KCNG3: variants seen among roughly 807,000 people sequenced by gnomAD.
KCNG3 encodes the protein potassium voltage-gated channel modifier subfamily G member 3.
In KCNG3, 15 loss-of-function variants were observed where a neutral mutation model predicts 29.0. The ratio of observed to expected loss-of-function variants is 0.52; its 90% CI spans 0.35 to 0.80. The LOEUF is 0.80. Ranked by LOEUF, KCNG3 falls within the 30% of genes least tolerant of loss-of-function variation. The probability of loss-of-function intolerance (pLI) is 0.01; values close to 1 mark genes in which losing one functional copy is unlikely to be tolerated. For synonymous variants in KCNG3, 322 were observed against 248.9 expected (o/e 1.29, Z -2.76); for missense variants, 512 against 605.7 (o/e 0.85, Z 1.62).
Position 42,493,560 on chromosome 2 carries a change from C to T in KCNG3, c.-59G>A. The T allele has an allele frequency of 7.8e-7, 1 of 1,277,814 alleles. No homozygotes were observed. The highest frequency in any genetic ancestry group is 9.8e-7 in the Non-Finnish European group (1 of 1,016,498). The allele number at this position is 1,277,814 out of a possible 1,614,324, so 79.2% of individuals were successfully genotyped here. The stretch of plus-strand genomic sequence containing the variant: ...CCCCGCTGCAGCCCCCCACCCCAAG[C>T]CGCCACGCGGGGCCTGCCTGCCCGT... On this transcript the variant is annotated 5_prime_UTR_variant, in exon 1 of 2. Coordinates refer to ENST00000306078, the MANE Select transcript of KCNG3 (RefSeq NM_133329.6).
At chr2:42,466,634 G>A (rs576275753) in intron 1 of KCNG3, among the ~76,000 whole-genome samples, 8 of 152,096 alleles carry the variant, frequency 5.3e-5, no homozygotes, top group East Asian at 1.9e-4. Context: ...AAGCATCTCC[G>A]GTCGTTATGC....
the KCNG3 span, among the ~76,000 whole-genome samples, chr2:42,419,237 T>TTTTTTTTC: frequency 8.4e-6 from 1 of 119,076 alleles, no homozygotes; most frequent in Non-Finnish European, 1.7e-5. Context: ...TTTTTTTTTT[T>TTTTTTTTC]TTTTTTTTTT....
At chr2:42,453,869 T>A (rs988889079) in intron 1 of KCNG3, among the ~76,000 whole-genome samples, 4 of 152,196 alleles carry the variant, frequency 2.6e-5, no homozygotes, top group Non-Finnish European at 5.9e-5. Context: ...TTAATCCAGT[T>A]TGATTTGATT....
At chr2:42,450,035 T>C (rs1443141879) in intron 1 of KCNG3, among the ~76,000 whole-genome samples, 2 of 152,176 alleles carry the variant, frequency 1.3e-5, no homozygotes, top group African/African-American at 4.8e-5. Flanking sequence ...ATGGATCTTA[T>C]AAGGACCTTC....
chr2:42,432,927 T>A, the KCNG3 span, among the ~76,000 whole-genome samples: 1 of 122,430 alleles, frequency 8.2e-6, no homozygotes, highest in African/African-American at 3.3e-5. Flanking sequence ...TCAATATGCT[T>A]TTATGATAAA....
chr2:42,431,431 G>C, the KCNG3 span, among the ~76,000 whole-genome samples: 4 of 151,842 alleles, frequency 2.6e-5, no homozygotes. Context: ...ATTAATATTT[G>C]CCTAGAACAT....
At chr2:42,460,066 G>C (rs1558379216) in intron 1 of KCNG3, among the ~76,000 whole-genome samples, 1 of 152,044 alleles carries the variant, frequency 6.6e-6, no homozygotes, top group African/African-American at 2.4e-5. Context: ...CTTCTTGCAA[G>C]TATAAAACTA....
At chr2:42,421,013 T>A in the KCNG3 span, among the ~76,000 whole-genome samples, 2 of 152,224 alleles carry the variant, frequency 1.3e-5, no homozygotes, top group East Asian at 3.8e-4. Context: ...TGAGTAAGAA[T>A]GACTCACCAT....
the KCNG3 span, among the ~76,000 whole-genome samples, chr2:42,419,562 T>C: frequency 1.3e-5 from 2 of 151,978 alleles, no homozygotes; most frequent in South Asian, 2.1e-4. Flanking sequence ...CCTCAGATGG[T>C]ATTTCTTAAT....
the KCNG3 span, among the ~76,000 whole-genome samples, chr2:42,415,831 C>T: frequency 2.0e-5 from 3 of 152,060 alleles, no homozygotes; most frequent in Admixed American, 2.0e-4. Context: ...GTGAAATAAG[C>T]CAGGCATGGA....
intron 1 of KCNG3, among the ~76,000 whole-genome samples, chr2:42,476,565 C>T (rs1673431559): frequency 6.6e-6 from 1 of 152,040 alleles, no homozygotes; most frequent in Non-Finnish European, 1.5e-5. Context: ...CAGCTCACTG[C>T]AACCTCTACC....
At chr2:42,409,120 G>A in the KCNG3 span, among the ~76,000 whole-genome samples, 2 of 152,130 alleles carry the variant, frequency 1.3e-5, no homozygotes, top group Admixed American at 6.5e-5. Context: ...GCCATTCCAT[G>A]TCTGACTTGC....
chr2:42,486,722 C>T (rs1482925349), intron 1 of KCNG3, among the ~76,000 whole-genome samples: 13 of 152,206 alleles, frequency 8.5e-5, no homozygotes, highest in African/African-American at 2.9e-4. Context: ...AAATGATTTG[C>T]TTACTGTGCT....
Position 42,492,915 on chromosome 2 carries a change from C to A in KCNG3, c.587G>T (p.Trp196Leu). The change falls in exon 1 of 2, where the codon TGG becomes TTG. Residue 196 changes from tryptophan to leucine, a missense_variant. Trp to Leu is a moderately conservative substitution (Grantham distance 61). Coordinates refer to ENST00000306078, the MANE Select transcript of KCNG3 (RefSeq NM_133329.6). ...GCGGTTGTCGGCGGCTGCGTTGCGC[C>A]AGTCGGGCAACGTGCTGGCGCACAG... Reference protein sequence around the residue: ...VVLCASTLPDWRNAAADNRSL... With the variant: ...VVLCASTLPDLRNAAADNRSL... The A allele has an allele frequency of 6.3e-7, 1 of 1,582,938 alleles. No homozygotes were observed.
the KCNG3 span, among the ~76,000 whole-genome samples, chr2:42,398,306 T>C: frequency 3.3e-5 from 5 of 151,940 alleles, no homozygotes; most frequent in African/African-American, 9.7e-5. Context: ...TACTTGAGAA[T>C]TGGACCCTGA....
downstream of KCNG3, among the ~76,000 whole-genome samples, chr2:42,438,674 C>T (rs1268788568): frequency 6.6e-6 from 1 of 152,140 alleles, no homozygotes; most frequent in Non-Finnish European, 1.5e-5. Flanking sequence ...TGCTAACAGT[C>T]AAAAGCTCCA....
chr2:42,426,310 G>C, the KCNG3 span, among the ~76,000 whole-genome samples: 1 of 152,104 alleles, frequency 6.6e-6, no homozygotes, highest in Non-Finnish European at 1.5e-5. Context: ...GAAAATAAAA[G>C]CTATGTCCAT....
the KCNG3 span, among the ~76,000 whole-genome samples, chr2:42,403,627 T>C: frequency 2.0e-5 from 3 of 150,732 alleles, no homozygotes; most frequent in Admixed American, 6.6e-5. Context: ...TTTTCTTTTT[T>C]TTTTTTTTTG....
chr2:42,493,085 C>T lies in KCNG3; in HGVS notation c.417G>A (p.Glu139=), dbSNP rs781411581. Residue 139 remains glutamate, a synonymous_variant, in exon 1 of 2, where the codon GAG becomes GAA. Transcript: ENST00000306078. ...ADEPGVLGRD[E]ARPGGAEAAP... ...CCGCCTCGGCCCCGCCGGGGCGCGC[C>T]TCGTCGCGGCCCAGCACGCCCGGCT... 7.0e-6 allele frequency: 11 copies of T among 1,563,536 alleles called. No individual in the cohort carries two copies. Among genetic ancestry groups the T allele is most frequent in the South Asian group, 2.3e-5 (2 of 86,190 alleles).
Sources: gnomAD v4.1 joint callset for allele counts (sites outside exome capture counted in the v4.1 genomes callset) on GRCh38, gnomAD v4.1.1 for gene constraint, MANE v1.5 for transcripts, NCBI Gene and HGNC (gene_info 2026-07-23, HGNC 2026-07-21) for gene names.